The following ADAMTSL1 variants were observed in gnomAD, a reference collection of about 807,000 sequenced individuals.
ADAMTSL1 encodes the protein ADAMTS like 1, also known as ADAMTS-like protein 1.
A neutral mutation model predicts 201.8 loss-of-function variants in ADAMTSL1; 126 were observed. The ratio of observed to expected loss-of-function variants is 0.62; its 90% CI spans 0.54 to 0.72. The LOEUF is 0.72. Among genes scored for constraint, ADAMTSL1 ranks in the 30% least tolerant of loss-of-function variants. The pLI is 0.00. For synonymous variants in ADAMTSL1, 1,121 were observed against 903.4 expected, an observed-to-expected ratio of 1.24 and a Z score of -4.32; for missense variants, 2,679 against 2,277.8, an observed-to-expected ratio of 1.18 and a Z score of -3.59.
chr9:18,656,640 A>G (rs185478640), intron 7 of ADAMTSL1, among the ~76,000 whole-genome samples: 28 of 151,762 alleles, frequency 1.8e-4, no homozygotes, highest in Middle Eastern at 3.4e-3. Context: ...AAAAAAAAAA[A>G]AAAAAGAAAA....
At chr9:18,577,269 C>T (rs932669261) in intron 4 of ADAMTSL1, among the ~76,000 whole-genome samples, 3 of 152,080 alleles carry the variant, frequency 2.0e-5, no homozygotes, top group Admixed American at 6.5e-5. Flanking sequence ...GCGGATCACT[C>T]GAGGTCCGGA....
intron 2 of ADAMTSL1, among the ~76,000 whole-genome samples, chr9:18,336,467 A>C (rs958210865): frequency 6.6e-6 from 1 of 152,196 alleles, no homozygotes; most frequent in African/African-American, 2.4e-5. Flanking sequence ...AAAAGAAAGT[A>C]AAACTGTGAG....
upstream of ADAMTSL1, chr9:18,474,092 C>CCG: frequency 1.6e-6 from 1 of 622,674 alleles, no homozygotes; most frequent in Non-Finnish European, 2.8e-6. Flanking sequence ...ACCCACCCCT[C>CCG]GGTCAGGAAA....
chr9:18,314,022 G>A (rs192414553), intron 2 of ADAMTSL1, among the ~76,000 whole-genome samples: 33 of 152,186 alleles, frequency 2.2e-4, no homozygotes, highest in Admixed American at 2.2e-3. Flanking sequence ...ATGGGCAAAG[G>A]ACTTGAATAA....
intron 23 of ADAMTSL1, 99 bp downstream of exon 23, chr9:18,830,076 G>C: frequency 6.8e-7 from 1 of 1,466,678 alleles, no homozygotes; most frequent in Non-Finnish European, 9.1e-7. Flanking sequence ...AGCAGTCGGG[G>C]GTGGCCAACA....
At chr9:18,224,597 T>G (rs1333465735) in intron 2 of ADAMTSL1, among the ~76,000 whole-genome samples, 1 of 152,170 alleles carries the variant, frequency 6.6e-6, no homozygotes, top group Non-Finnish European at 1.5e-5. Context: ...CTGAAAGTCT[T>G]GTCTCATTCC....
chr9:18,189,385 T>C (rs764599822), intron 2 of ADAMTSL1, among the ~76,000 whole-genome samples: 4 of 152,170 alleles, frequency 2.6e-5, no homozygotes, highest in Admixed American at 6.5e-5. Context: ...GACTTCCCAG[T>C]TGATCTAAGC....
intron 2 of ADAMTSL1, among the ~76,000 whole-genome samples, chr9:18,467,367 A>C (rs1177962407): frequency 6.6e-6 from 1 of 152,232 alleles, no homozygotes; most frequent in Non-Finnish European, 1.5e-5. Flanking sequence ...TAAAGCTTGA[A>C]GCAGTGGAAG....
chr9:18,459,525 G>A (rs1045563863), intron 2 of ADAMTSL1, among the ~76,000 whole-genome samples: 5 of 152,102 alleles, frequency 3.3e-5, no homozygotes, highest in Admixed American at 1.3e-4. Context: ...AGTTACAGAA[G>A]TGAACAGGAG....
At position 18,850,995 on chromosome 9, in the gene ADAMTSL1, A is replaced by C. The variant is rs147967978; in HGVS notation, c.4249+21018A>C. Among the ~76,000 whole-genome samples, 19 of 152,290 alleles carry C rather than the reference A, an allele frequency of 1.2e-4. No homozygotes were observed. The East Asian group carries it at 3.5e-3, about 28-fold the overall frequency. On this transcript the variant is annotated intron_variant, in intron 23 of 28. Transcript: ENST00000380548. ...TACAAAGTAGATGCTAATAATTGCTAATTTTTTTTTACCTGTTCTCTTCCT... is the reference window on the plus strand; with the variant it reads ...TACAAAGTAGATGCTAATAATTGCTCATTTTTTTTTACCTGTTCTCTTCCT...
intron 20 of ADAMTSL1, among the ~76,000 whole-genome samples, chr9:18,798,283 G>A (rs1822559339): frequency 6.6e-6 from 1 of 152,150 alleles, no homozygotes; most frequent in Non-Finnish European, 1.5e-5. Context: ...TAGGGTCTAG[G>A]TCTGTATCCT....
chr9:18,782,276 T>C (rs1821438739), intron 19 of ADAMTSL1, among the ~76,000 whole-genome samples: 1 of 152,214 alleles, frequency 6.6e-6, no homozygotes, highest in Non-Finnish European at 1.5e-5. Context: ...AAGTATTTAC[T>C]AACCTAACTA....
intron 1 of ADAMTSL1, among the ~76,000 whole-genome samples, chr9:17,918,877 G>C (rs191186625): frequency 6.6e-6 from 1 of 151,804 alleles, no homozygotes; most frequent in Non-Finnish European, 1.5e-5. Flanking sequence ...AAATGTTTAG[G>C]ATTGTTATGT....
intron 1 of ADAMTSL1, among the ~76,000 whole-genome samples, chr9:18,478,895 A>C (rs1205888453): frequency 6.6e-6 from 1 of 152,212 alleles, no homozygotes; most frequent in Non-Finnish European, 1.5e-5. Context: ...TTTTCACCAG[A>C]ATGAGACAAG....
At chr9:17,911,896 T>C (rs1404167772) in intron 1 of ADAMTSL1, among the ~76,000 whole-genome samples, 1 of 47,554 alleles carries the variant, frequency 2.1e-5, no homozygotes, top group African/African-American at 3.8e-5. Flanking sequence ...CCATGTGTTC[T>C]CATTGTTCAA....
At chr9:18,526,824 C>T (rs753279633) in intron 2 of ADAMTSL1, among the ~76,000 whole-genome samples, 2 of 152,030 alleles carry the variant, frequency 1.3e-5, no homozygotes, top group Non-Finnish European at 1.5e-5. Context: ...ACTTAAAATC[C>T]CTTGGTGGGG....
At chr9:18,263,462 ACT>A (rs1337809846) in intron 2 of ADAMTSL1, among the ~76,000 whole-genome samples, 2 of 151,862 alleles carry the variant, frequency 1.3e-5, no homozygotes, top group East Asian at 3.9e-4. Context: ...GTGTTGTAGA[ACT>A]CTCAGCACTT....
chr9:18,598,910 C>G (rs1278658136), intron 4 of ADAMTSL1, among the ~76,000 whole-genome samples: 3 of 152,232 alleles, frequency 2.0e-5, no homozygotes, highest in South Asian at 2.1e-4. Flanking sequence ...AAGAAGCAGC[C>G]AAAGTCACAC....
At chr9:18,156,661 CAT>C (rs1827168691) in intron 1 of ADAMTSL1, among the ~76,000 whole-genome samples, 1 of 151,232 alleles carries the variant, frequency 6.6e-6, no homozygotes, top group Non-Finnish European at 1.5e-5. Flanking sequence ...CACACACACA[CAT>C]GCTTTGAAGA....
Sources: allele counts gnomAD v4.1 joint callset (sites outside exome capture counted in the v4.1 genomes callset), GRCh38; gene constraint gnomAD v4.1.1; transcripts MANE v1.5; gene names NCBI Gene and HGNC (gene_info 2026-07-23, HGNC 2026-07-21).